MAGI3: variants seen among roughly 807,000 people sequenced by gnomAD.
MAGI3 encodes the protein membrane-associated guanylate kinase, WW and PDZ domain-containing protein 3.
MAGI3 carries 43 observed loss-of-function variants against 121.8 expected under a neutral mutation model. That is an observed-to-expected ratio of 0.35 (90% CI 0.28 to 0.46). MAGI3 has a LOEUF of 0.46. MAGI3 is among the 20% of genes least tolerant of loss of function. The pLI, the probability that MAGI3 is intolerant of heterozygous loss-of-function variation, is 1.00. For missense variants in MAGI3, 1,547 were observed against 1,797.3 expected (o/e 0.86, Z 2.52); for synonymous variants, 553 against 639.3 (o/e 0.86, Z 2.04).
chr1:113,638,350 T>A (rs1196253568), intron 9 of MAGI3, among the ~76,000 whole-genome samples: 3 of 152,186 alleles, frequency 2.0e-5, no homozygotes, highest in Admixed American at 2.0e-4. Context: ...TCTTTCCCCC[T>A]CTTTGTGGTT....
intron 9 of MAGI3, among the ~76,000 whole-genome samples, chr1:113,627,500 C>T (rs1651315081): frequency 6.6e-6 from 1 of 151,048 alleles, no homozygotes; most frequent in Admixed American, 6.6e-5. Flanking sequence ...TCTGGAAGAT[C>T]TAATGCTGAA....
chr1:113,459,041 C>A (rs1654904957), intron 1 of MAGI3, among the ~76,000 whole-genome samples: 1 of 152,108 alleles, frequency 6.6e-6, no homozygotes, highest in Non-Finnish European at 1.5e-5. Context: ...TTGCTATATA[C>A]AAACCTGTAA....
chr1:113,503,079 GA>G (rs1657101278), intron 1 of MAGI3, among the ~76,000 whole-genome samples: 1 of 71,786 alleles, frequency 1.4e-5, no homozygotes, highest in Non-Finnish European at 2.5e-5. Context: ...GGGGTCGGGG[GA>G]GGGGGGAGGG....
At chr1:113,575,653 C>A (rs1647582610) in intron 2 of MAGI3, among the ~76,000 whole-genome samples, 1 of 152,204 alleles carries the variant, frequency 6.6e-6, no homozygotes, top group Non-Finnish European at 1.5e-5. Flanking sequence ...GTCTCCCGGT[C>A]AGAAGGCATG....
chr1:113,660,144 A>G (rs1055531063), intron 16 of MAGI3, among the ~76,000 whole-genome samples: 10 of 152,182 alleles, frequency 6.6e-5, no homozygotes, highest in Non-Finnish European at 1.5e-4. Flanking sequence ...GGTATTACAT[A>G]AATCTGTTCA....
chr1:113,610,956 C>T (rs1310117727), intron 6 of MAGI3, among the ~76,000 whole-genome samples: 3 of 151,874 alleles, frequency 2.0e-5, no homozygotes, highest in Non-Finnish European at 2.9e-5. Context: ...AAATAAAAAC[C>T]TGCCATTTCT....
chr1:113,623,353 C>T (rs1012136530), intron 9 of MAGI3, among the ~76,000 whole-genome samples: 6 of 151,424 alleles, frequency 4.0e-5, no homozygotes, highest in Non-Finnish European at 7.4e-5. Flanking sequence ...TGACTGTAGT[C>T]ACCCTATTGT....
At chr1:113,670,344 TCA>T (rs1324438422) in intron 16 of MAGI3, among the ~76,000 whole-genome samples, 13 of 152,354 alleles carry the variant, frequency 8.5e-5, no homozygotes. Context: ...GTTTTTAGTC[TCA>T]CAGCACTTTG....
chr1:113,586,864 G>C (rs923877782), intron 4 of MAGI3, among the ~76,000 whole-genome samples: 1 of 152,096 alleles, frequency 6.6e-6, no homozygotes, highest in Non-Finnish European at 1.5e-5. Flanking sequence ...CGGTAAACTT[G>C]TTTGTAATCT....
At chr1:113,452,451 G>GACACACACACAC (rs778034122) in intron 1 of MAGI3, among the ~76,000 whole-genome samples, 1 of 82,822 alleles carries the variant, frequency 1.2e-5, no homozygotes, top group Non-Finnish European at 3.2e-5. Context: ...TATGTGCATA[G>GACACACACACAC]ACATACACAC....
intron 1 of MAGI3, among the ~76,000 whole-genome samples, chr1:113,515,857 A>G (rs1476098416): frequency 6.6e-6 from 1 of 152,114 alleles, no homozygotes; most frequent in Non-Finnish European, 1.5e-5. Flanking sequence ...TATTGAAATC[A>G]TTCCACAGAG....
chr1:113,396,754 C>T (rs780095379), intron 1 of MAGI3, among the ~76,000 whole-genome samples: 4 of 152,068 alleles, frequency 2.6e-5, no homozygotes, highest in Non-Finnish European at 4.4e-5. Context: ...CTAGCACTGG[C>T]GATATAAACA....
intron 1 of MAGI3, among the ~76,000 whole-genome samples, chr1:113,423,405 G>A (rs550211441): frequency 2.3e-4 from 35 of 152,030 alleles, no homozygotes; most frequent in African/African-American, 8.4e-4. Flanking sequence ...TCGAGTAGCT[G>A]GGACTACAGG....
chr1:113,640,047 A>T (rs1743595), intron 9 of MAGI3, among the ~76,000 whole-genome samples: 55,204 of 152,036 alleles, frequency 0.36, 11,650 homozygotes, highest in African/African-American at 0.57. Context: ...AGATAGACTG[A>T]CCCTGTCAAA....
At chr1:113,540,763 T>C (rs1659256781) in intron 1 of MAGI3, among the ~76,000 whole-genome samples, 1 of 152,190 alleles carries the variant, frequency 6.6e-6, no homozygotes, top group African/African-American at 2.4e-5. Context: ...TTTAGAGAAA[T>C]GATTGTTATT....
intron 2 of MAGI3, among the ~76,000 whole-genome samples, chr1:113,561,851 A>G (rs1365348543): frequency 6.6e-6 from 1 of 152,210 alleles, no homozygotes; most frequent in South Asian, 2.1e-4. Context: ...ATGATCTCCT[A>G]TATCTAGAAA....
intron 20 of MAGI3, chr1:113,682,384 C>A: frequency 6.8e-7 from 1 of 1,480,078 alleles, no homozygotes; most frequent in South Asian, 1.4e-5. Flanking sequence ...ACATCTATTT[C>A]TATCTTCTGC....
intron 16 of MAGI3, among the ~76,000 whole-genome samples, chr1:113,659,845 T>C (rs1474021753): frequency 6.6e-6 from 1 of 152,218 alleles, no homozygotes; most frequent in Admixed American, 6.5e-5. Context: ...TCATTAAGAA[T>C]TTCTAATTAG....
chr1:113,439,856 C>T (rs1013860927), intron 1 of MAGI3, among the ~76,000 whole-genome samples: 11 of 150,412 alleles, frequency 7.3e-5, no homozygotes, highest in Non-Finnish European at 1.5e-4. Flanking sequence ...ATTAATTTCC[C>T]CAGTTATTAA....
Sources: gnomAD v4.1 joint callset for allele counts (sites outside exome capture counted in the v4.1 genomes callset) on GRCh38, gnomAD v4.1.1 for gene constraint, MANE v1.5 for transcripts, NCBI Gene and HGNC (gene_info 2026-07-23, HGNC 2026-07-21) for gene names.